Variants in THADA observed in about 807,000 individuals in gnomAD.
The protein encoded by THADA is tRNA (32-2'-O)-methyltransferase regulator THADA.
Under a neutral mutation model 219.8 loss-of-function variants are expected in THADA, and 213 were observed. The observed-to-expected ratio is 0.97, with a 90% CI of 0.87 to 1.09. The LOEUF (loss-of-function observed/expected upper bound fraction) is 1.09, where lower values mean the gene tolerates loss of function less well. Ranked by LOEUF, THADA falls within the 50% of genes least tolerant of loss-of-function variation. THADA has a pLI of 0.00. For synonymous variants in THADA, 1,018 were observed against 828.9 expected (o/e 1.23, Z -3.92); for missense variants, 2,956 against 2,311.3 (o/e 1.28, Z -5.72).
intron 8 of THADA, among the ~76,000 whole-genome samples, chr2:43,579,013 G>T (rs747197612): frequency 2.0e-5 from 3 of 152,154 alleles, no homozygotes; most frequent in Non-Finnish European, 4.4e-5. Flanking sequence ...TGTATCTTTA[G>T]TAGAGATGGG....
In THADA at chr2:43,445,824, T is replaced by C. The variant is rs372025103; in HGVS notation, c.3837-15522A>G. Among the ~76,000 whole-genome samples the C allele has an allele frequency of 9.9e-5, 15 of 152,198 alleles. 1 individual carries two copies. The East Asian group carries it at 1.5e-3, about 16-fold the overall frequency. ...AAGTAGCTGAGACTACAGGCACATG[T>C]TGTCATGCCTGTCTAATGACGTGTT... On this transcript the variant is annotated intron_variant, in intron 26 of 37. Transcript: ENST00000405975.
chr2:43,339,491 G>A (rs1380849896), intron 30 of THADA, among the ~76,000 whole-genome samples: 1 of 152,140 alleles, frequency 6.6e-6, no homozygotes, highest in Non-Finnish European at 1.5e-5. Flanking sequence ...TGTTGGCCAG[G>A]CTGGTCTCAA....
At chr2:43,571,214 C>T (rs1173432066) in intron 13 of THADA, among the ~76,000 whole-genome samples, 2 of 150,500 alleles carry the variant, frequency 1.3e-5, no homozygotes, top group Non-Finnish European at 2.9e-5. Flanking sequence ...TATGATCACA[C>T]CACTGCACTC....
intron 26 of THADA, among the ~76,000 whole-genome samples, chr2:43,440,346 A>G (rs1309310732): frequency 6.6e-6 from 1 of 152,162 alleles, no homozygotes; most frequent in Non-Finnish European, 1.5e-5. Context: ...CCCTAATGAC[A>G]AGCCTTTTGG....
rs866834073 is a variant in THADA at position 43,431,966 on chromosome 2, C to T, written c.3837-1664G>A. On this transcript the variant is annotated intron_variant, in intron 26 of 37. Transcript: ENST00000405975. ...CCGCCTCGCGGGTTCACGCCATTCT[C>T]CTGCCTCAGCCTCCCAAGTAGCTGG... Among the ~76,000 whole-genome samples, 14 of 120,452 alleles carry T rather than the reference C, an allele frequency of 1.2e-4. No homozygotes were observed. The South Asian group carries it at 1.4e-3, about 12-fold the overall frequency. 79.0% of individuals were successfully genotyped at this position (120,452 alleles called of 152,430 possible). A position where few individuals can be genotyped will look rare whatever the true frequency, so the allele number is the denominator to read the frequency against.
In THADA at chr2:43,360,068, A is replaced by T. The variant is rs1669334357; in HGVS notation, c.4228-15831T>A. ...AAAGTGCAATTATCAGTCTATTACA[A>T]AGATTTCATATTATTTCTACTCATC... On this transcript the variant is annotated intron_variant, in intron 29 of 37. Transcript: ENST00000405975. Among the ~76,000 whole-genome samples, 3 of 152,290 alleles carry T rather than the reference A, an allele frequency of 2.0e-5. No individual in the cohort carries two copies. In the South Asian group the frequency reaches 6.2e-4, roughly 32 times the overall value.
In THADA at chr2:43,591,471, C is replaced by A. The variant is rs564954860; in HGVS notation, c.171+481G>T. Among the ~76,000 whole-genome samples, 17 of 152,238 alleles carry A rather than the reference C, an allele frequency of 1.1e-4. No individual in the cohort carries two copies. In the South Asian group the frequency reaches 3.5e-3, roughly 32 times the overall value. On this transcript the variant is annotated intron_variant, in intron 3 of 37. Coordinates refer to ENST00000405975, the MANE Select transcript of THADA (RefSeq NM_022065.5). ...CCCTCTTTACCCTCCAGACCCACCT[C>A]CACAGAGAATCACAGACCTGTTAAT...
chr2:43,502,350 C>A (rs1043559885), intron 24 of THADA, among the ~76,000 whole-genome samples: 11 of 152,004 alleles, frequency 7.2e-5, no homozygotes, highest in Middle Eastern at 3.2e-3. Context: ...TTTGGGAGGC[C>A]AAGGCGGGAG....
intron 29 of THADA, among the ~76,000 whole-genome samples, chr2:43,390,616 A>G (rs545082232): frequency 2.2e-4 from 34 of 152,278 alleles, no homozygotes; most frequent in African/African-American, 7.9e-4. Context: ...ACCTTCTAAC[A>G]AACTATCTAA....
chr2:43,407,671 T>C lies in THADA; in HGVS notation c.4059-9532A>G, dbSNP rs1048896434. Reference sequence around the variant, plus strand: ...AATCTGTTACATTTATAAAAGATTCTGATATCCACGCTAAAAAGAAGGAAG... The same window carrying C: ...AATCTGTTACATTTATAAAAGATTCCGATATCCACGCTAAAAAGAAGGAAG... On this transcript the variant is annotated intron_variant, in intron 28 of 37. Transcript: ENST00000405975. Among the ~76,000 whole-genome samples, 3 of 152,180 alleles carry C rather than the reference T, an allele frequency of 2.0e-5. No individual in the cohort carries two copies. The South Asian group carries it at 6.2e-4, about 31-fold the overall frequency.
rs552404382 is a variant in THADA at position 43,591,811 on chromosome 2, A to G, written c.171+141T>C. The G allele has an allele frequency of 4.3e-3, 2,126 of 492,598 alleles. 39 individuals carry two copies. In the African/African-American group the frequency reaches 0.057, roughly 13 times the overall value. 30.5% of individuals were successfully genotyped at this position (492,598 alleles called of 1,614,324 possible). A position where few individuals can be genotyped will look rare whatever the true frequency, so the allele number is the denominator to read the frequency against. Reference sequence around the variant, plus strand: ...TGAATACAAGGATATTATACAATAAACAGAAAAAAAAAAATACTTATTTGC... The same window carrying G: ...TGAATACAAGGATATTATACAATAAGCAGAAAAAAAAAAATACTTATTTGC... On this transcript the variant is annotated intron_variant, in intron 3 of 37. Transcript: ENST00000405975.
At chr2:43,566,641 T>A (rs1050129666) in intron 15 of THADA, 57 bp downstream of exon 15, 1 of 1,569,708 alleles carries the variant, frequency 6.4e-7, no homozygotes. Flanking sequence ...AAATGTAGAA[T>A]AAGTATGTTT....
At chr2:43,310,232 C>T (rs1379422100) in intron 31 of THADA, among the ~76,000 whole-genome samples, 1 of 126,518 alleles carries the variant, frequency 7.9e-6, no homozygotes, top group African/African-American at 2.9e-5. Context: ...TCCCGCCCCC[C>T]CCCCAAACAA....
chr2:43,351,921 G>C lies in THADA; in HGVS notation c.4228-7684C>G, dbSNP rs201179921. Among the ~76,000 whole-genome samples, 26 of 152,264 alleles carry C rather than the reference G, an allele frequency of 1.7e-4. No individual in the cohort carries two copies. The East Asian group carries it at 4.4e-3, about 26-fold the overall frequency. On this transcript the variant is annotated intron_variant, in intron 29 of 37. Coordinates refer to ENST00000405975, the MANE Select transcript of THADA (RefSeq NM_022065.5). Reference sequence around the variant, plus strand: ...AGACTTGTCAAGGGCCCCCAACAAGGGCCCCCAAGCTGTTCGTAAGGGCAA... The same window carrying C: ...AGACTTGTCAAGGGCCCCCAACAAGCGCCCCCAAGCTGTTCGTAAGGGCAA...
intron 26 of THADA, among the ~76,000 whole-genome samples, chr2:43,463,886 G>C (rs1364773849): frequency 6.6e-6 from 1 of 152,164 alleles, no homozygotes; most frequent in Non-Finnish European, 1.5e-5. Flanking sequence ...TGTGCTCCTT[G>C]AATTGCTTAC....
At chr2:43,498,449 A>G (rs1488620196) in intron 25 of THADA, among the ~76,000 whole-genome samples, 1 of 152,258 alleles carries the variant, frequency 6.6e-6, no homozygotes, top group Non-Finnish European at 1.5e-5. Context: ...TACAACACAC[A>G]TAAAAGTAAA....
intron 29 of THADA, among the ~76,000 whole-genome samples, chr2:43,352,997 C>T (rs554020680): frequency 4.6e-5 from 7 of 152,234 alleles, no homozygotes; most frequent in Admixed American, 2.6e-4. Flanking sequence ...TAAGATCATG[C>T]GACACTTTTC....
chr2:43,326,606 A>G lies in THADA; in HGVS notation c.4344-6066T>C, dbSNP rs546995366. On this transcript the variant is annotated intron_variant, in intron 30 of 37. Coordinates refer to ENST00000405975, the MANE Select transcript of THADA (RefSeq NM_022065.5). Reference sequence around the variant, plus strand: ...GTCTGGTCCATGGACAGCTGTTACAATGATGTGAACTGCCAAGACTAGAAA... The same window carrying G: ...GTCTGGTCCATGGACAGCTGTTACAGTGATGTGAACTGCCAAGACTAGAAA... Among the ~76,000 whole-genome samples, 146 of 152,328 alleles carry G rather than the reference A, an allele frequency of 9.6e-4. 1 individual carries two copies. Among genetic ancestry groups the G allele is most frequent in the African/African-American group, 3.3e-3 (138 of 41,572 alleles).
chr2:43,550,904 T>A (rs1008944941), intron 19 of THADA, among the ~76,000 whole-genome samples: 1 of 152,154 alleles, frequency 6.6e-6, no homozygotes, highest in African/African-American at 2.4e-5. Context: ...GGCAGAAGGA[T>A]TGCTTGACAA....
Sources: gnomAD v4.1 joint callset for allele counts (sites outside exome capture counted in the v4.1 genomes callset) on GRCh38, gnomAD v4.1.1 for gene constraint, MANE v1.5 for transcripts, NCBI Gene and HGNC (gene_info 2026-07-23, HGNC 2026-07-21) for gene names.